GNAT3: variants seen among roughly 807,000 people sequenced by gnomAD.
The protein encoded by GNAT3 is guanine nucleotide-binding protein G(t) subunit alpha-3.
A neutral mutation model predicts 37.7 loss-of-function variants in GNAT3; 31 were observed. The ratio of observed to expected loss-of-function variants is 0.82; its 90% CI spans 0.62 to 1.11. The LOEUF is 1.11. Among genes scored for constraint, GNAT3 ranks in the 50% most tolerant of loss-of-function variants. The probability of loss-of-function intolerance (pLI) is 0.00; values close to 1 mark genes in which losing one functional copy is unlikely to be tolerated. For missense variants in GNAT3, 437 were observed against 412.5 expected, an observed-to-expected ratio of 1.06 and a Z score of -0.51; for synonymous variants, 138 against 139.8, an observed-to-expected ratio of 0.99 and a Z score of 0.09.
chr7:80,512,005 G>T lies in GNAT3; in HGVS notation c.-79C>A, dbSNP rs2116243032. Reference sequence around the variant, plus strand: ...GCACAGCTGTGGTTTGGACATAGGAGGCAAGAGTAATGCTCTGCTGAAGTA... The same window carrying T: ...GCACAGCTGTGGTTTGGACATAGGATGCAAGAGTAATGCTCTGCTGAAGTA... On this transcript the variant is annotated 5_prime_UTR_variant, in exon 1 of 8. Coordinates refer to ENST00000398291, the MANE Select transcript of GNAT3 (RefSeq NM_001102386.3). 1 of 942,182 alleles carries T rather than the reference G, an allele frequency of 1.1e-6. No individual in the cohort carries two copies. The highest frequency in any genetic ancestry group is 1.7e-6 in the Non-Finnish European group (1 of 599,660). The allele number at this position is 942,182 out of a possible 1,614,324, so 58.4% of individuals were successfully genotyped here.
Position 80,511,998 on chromosome 7 carries a change from C to G in GNAT3, c.-72G>C. On this transcript the variant is annotated 5_prime_UTR_variant, in exon 1 of 8. It removes an upstream start codon present in the reference 5' UTR. Coordinates refer to ENST00000398291, the MANE Select transcript of GNAT3 (RefSeq NM_001102386.3). ...ATGTTGAGCACAGCTGTGGTTTGGA[C>G]ATAGGAGGCAAGAGTAATGCTCTGC... is the stretch of plus-strand genomic sequence containing the variant. 9.8e-7 allele frequency: 1 copy of G among 1,016,678 alleles called. No homozygotes were observed. Among genetic ancestry groups the G allele is most frequent in the Non-Finnish European group, 1.5e-6 (1 of 664,878 alleles). The allele number at this position is 1,016,678 out of a possible 1,614,324, so 63.0% of individuals were successfully genotyped here. A position where few individuals can be genotyped will look rare whatever the true frequency, so the allele number is the denominator to read the frequency against.
intron 2 of GNAT3, among the ~76,000 whole-genome samples, chr7:80,491,980 T>C (rs1322737240): frequency 6.6e-6 from 1 of 152,160 alleles, no homozygotes; most frequent in African/African-American, 2.4e-5. Flanking sequence ...TTTATTTGAA[T>C]ACTGGTAAAT....
intron 5 of GNAT3, among the ~76,000 whole-genome samples, chr7:80,467,347 T>A (rs554732122): frequency 6.6e-6 from 1 of 152,232 alleles, no homozygotes; most frequent in African/African-American, 2.4e-5. Context: ...CAGATTGACG[T>A]AGGAGACATA....
At position 80,504,910 on chromosome 7, in the gene GNAT3, TAGA is replaced by T. The variant is rs1314007335; in HGVS notation, c.118+6896_118+6898del. On this transcript the variant is annotated intron_variant, in intron 1 of 7. Transcript: ENST00000398291. ...GCGACGAGCTGCCTTTGGAACATTT[TAGA>T]AGAAAATGAATAAGTAAAATAATTA... 4.6e-5 allele frequency among the ~76,000 whole-genome samples: 7 copies of T among 152,314 alleles called. No homozygotes were observed. In the East Asian group the frequency reaches 1.4e-3, roughly 29 times the overall value.
At chr7:80,465,019 C>T (rs1790109482) in intron 5 of GNAT3, among the ~76,000 whole-genome samples, 1 of 151,850 alleles carries the variant, frequency 6.6e-6, no homozygotes, top group African/African-American at 2.4e-5. Context: ...GGAAGGGGAC[C>T]AAAGTTTGAC....
At chr7:80,490,691 A>G (rs1483837352) in intron 2 of GNAT3, among the ~76,000 whole-genome samples, 1 of 152,206 alleles carries the variant, frequency 6.6e-6, no homozygotes. Context: ...CTTATTTCTT[A>G]CAATAAGCCC....
intron 3 of GNAT3, among the ~76,000 whole-genome samples, chr7:80,481,300 A>ACCAACAGAAATCCCTCTTGG (rs1790388443): frequency 6.6e-6 from 1 of 152,156 alleles, no homozygotes; most frequent in Non-Finnish European, 1.5e-5. Flanking sequence ...AAGCCCCGCA[A>ACCAACAGAAATCCCTCTTGG]CCAACAGAAA....
chr7:80,460,114 G>A (rs560566572), intron 7 of GNAT3, among the ~76,000 whole-genome samples: 7 of 152,100 alleles, frequency 4.6e-5, no homozygotes, highest in Admixed American at 6.5e-5. Flanking sequence ...ACTGTGGTTC[G>A]TTTAAGGAAC....
intron 3 of GNAT3, among the ~76,000 whole-genome samples, chr7:80,480,190 C>T (rs967774106): frequency 1.3e-5 from 2 of 152,154 alleles, no homozygotes; most frequent in Non-Finnish European, 2.9e-5. Context: ...TGTTGTCAGC[C>T]TCTAAAACTG....
At chr7:80,500,507 A>C (rs1211489025) in intron 1 of GNAT3, among the ~76,000 whole-genome samples, 1 of 152,026 alleles carries the variant, frequency 6.6e-6, no homozygotes, top group African/African-American at 2.4e-5. Context: ...AAAATCCCTG[A>C]TAGGAGTATT....
At chr7:80,483,939 C>A (rs1223957467) in intron 3 of GNAT3, among the ~76,000 whole-genome samples, 4 of 152,124 alleles carry the variant, frequency 2.6e-5, no homozygotes, top group Non-Finnish European at 5.9e-5. Flanking sequence ...CTCATTCTCT[C>A]TCTCTCTCTC....
intron 5 of GNAT3, among the ~76,000 whole-genome samples, chr7:80,465,034 C>A (rs560929279): frequency 6.6e-6 from 1 of 151,962 alleles, no homozygotes; most frequent in South Asian, 2.1e-4. Flanking sequence ...TTTGACTTTA[C>A]GGTTATATTA....
At chr7:80,460,488 C>T (rs1043759215) in intron 7 of GNAT3, among the ~76,000 whole-genome samples, 3 of 152,174 alleles carry the variant, frequency 2.0e-5, no homozygotes, top group Non-Finnish European at 4.4e-5. Context: ...GACGGTGGCT[C>T]ATGCCTGTAA....
At chr7:80,505,118 G>A (rs573298974) in intron 1 of GNAT3, among the ~76,000 whole-genome samples, 1 of 152,204 alleles carries the variant, frequency 6.6e-6, no homozygotes, top group East Asian at 1.9e-4. Flanking sequence ...AAAATCAGTT[G>A]GGAGAAGTGT....
intron 5 of GNAT3, among the ~76,000 whole-genome samples, chr7:80,469,936 TA>T: frequency 6.6e-6 from 1 of 152,332 alleles, no homozygotes; most frequent in East Asian, 1.9e-4. Context: ...AAACTGTATT[TA>T]AATAATTTTA....
intron 1 of GNAT3, among the ~76,000 whole-genome samples, chr7:80,503,590 G>A (rs932804717): frequency 2.0e-5 from 3 of 152,150 alleles, no homozygotes; most frequent in Non-Finnish European, 4.4e-5. Context: ...TAAATCTTGT[G>A]ACAACATTGA....
chr7:80,489,403 AT>A (rs927863638), intron 2 of GNAT3, among the ~76,000 whole-genome samples: 3 of 151,884 alleles, frequency 2.0e-5, no homozygotes, highest in Admixed American at 6.6e-5. Flanking sequence ...TTATTGTATA[AT>A]TTTTTTTGTT....
intron 1 of GNAT3, among the ~76,000 whole-genome samples, chr7:80,509,055 G>A (rs1163009381): frequency 6.6e-6 from 1 of 152,068 alleles, no homozygotes; most frequent in Non-Finnish European, 1.5e-5. Context: ...TGATGAATGA[G>A]AACATCGTTT....
chr7:80,470,323 G>A (rs1790190858), intron 5 of GNAT3, among the ~76,000 whole-genome samples: 1 of 152,154 alleles, frequency 6.6e-6, no homozygotes, highest in Non-Finnish European at 1.5e-5. Flanking sequence ...TTGAGTTCAA[G>A]TGATTCACCA....
Sources: gnomAD v4.1 joint callset for allele counts (sites outside exome capture counted in the v4.1 genomes callset) on GRCh38, gnomAD v4.1.1 for gene constraint, MANE v1.5 for transcripts, NCBI Gene and HGNC (gene_info 2026-07-23, HGNC 2026-07-21) for gene names.